The following AMBRA1 variants were observed in gnomAD, a reference collection of about 807,000 sequenced individuals.
AMBRA1 encodes the protein autophagy and beclin 1 regulator 1, also known as activating molecule in BECN1-regulated autophagy protein 1.
Under a neutral mutation model 125.4 loss-of-function variants are expected in AMBRA1, and 47 were observed. That is an observed-to-expected ratio of 0.37 (90% confidence interval 0.30 to 0.48). The LOEUF (loss-of-function observed/expected upper bound fraction) is 0.48. Ranked by LOEUF, AMBRA1 falls within the 20% of genes least tolerant of loss-of-function variation. The pLI is 0.99. For synonymous variants in AMBRA1, 626 were observed against 655.5 expected (o/e 0.95, Z 0.69); for missense variants, 1,331 against 1,693.4 (o/e 0.79, Z 3.76).
chr11:46,530,335 A>G (rs767858087), intron 7 of AMBRA1, among the ~76,000 whole-genome samples: 1 of 152,220 alleles, frequency 6.6e-6, no homozygotes, highest in Admixed American at 6.5e-5. Flanking sequence ...GGGATAATTT[A>G]GATCAGCCTA....
At chr11:46,588,080 C>G (rs1245747810) in intron 1 of AMBRA1, among the ~76,000 whole-genome samples, 1 of 152,168 alleles carries the variant, frequency 6.6e-6, no homozygotes, top group Non-Finnish European at 1.5e-5. Flanking sequence ...TGCATGTAAT[C>G]ACAGAACTTT....
chr11:46,585,576 GAAT>G (rs2044341893), intron 1 of AMBRA1, among the ~76,000 whole-genome samples: 1 of 130,628 alleles, frequency 7.7e-6, no homozygotes, highest in African/African-American at 2.9e-5. Flanking sequence ...TGAGGCAGGA[GAAT>G]CGCTTGAACC....
intron 9 of AMBRA1, among the ~76,000 whole-genome samples, chr11:46,501,694 T>C (rs1388284366): frequency 6.6e-6 from 1 of 152,198 alleles, no homozygotes; most frequent in Non-Finnish European, 1.5e-5. Context: ...ACTCACTGAT[T>C]CACCAAAAAT....
intron 11 of AMBRA1, among the ~76,000 whole-genome samples, chr11:46,455,332 T>C (rs1948803585): frequency 6.6e-6 from 1 of 152,184 alleles, no homozygotes; most frequent in Non-Finnish European, 1.5e-5. Flanking sequence ...AATTCCTCTT[T>C]CCCTCTCTCC....
intron 17 of AMBRA1, among the ~76,000 whole-genome samples, chr11:46,399,203 A>G (rs1446022233): frequency 2.0e-5 from 3 of 151,824 alleles, no homozygotes; most frequent in Non-Finnish European, 4.4e-5. Context: ...GCCTCCGAGT[A>G]GCTGGGATTA....
intron 11 of AMBRA1, among the ~76,000 whole-genome samples, chr11:46,492,398 C>T (rs1950495158): frequency 6.6e-6 from 1 of 152,214 alleles, no homozygotes; most frequent in Non-Finnish European, 1.5e-5. Flanking sequence ...CAGACAGTGC[C>T]ACTGCCTCAG....
chr11:46,414,193 C>T (rs553906277), intron 15 of AMBRA1, among the ~76,000 whole-genome samples: 36 of 152,216 alleles, frequency 2.4e-4, no homozygotes, highest in Non-Finnish European at 4.8e-4. Flanking sequence ...TAACATTCTT[C>T]TTTCATTTAT....
At chr11:46,409,941 G>A (rs1042977918) in intron 16 of AMBRA1, among the ~76,000 whole-genome samples, 4 of 152,208 alleles carry the variant, frequency 2.6e-5, no homozygotes, top group African/African-American at 9.7e-5. Flanking sequence ...TGGTCATCTG[G>A]AAGAGCCTGG....
intron 11 of AMBRA1, among the ~76,000 whole-genome samples, chr11:46,463,245 G>A (rs1318687634): frequency 2.0e-5 from 3 of 151,952 alleles, no homozygotes; most frequent in Non-Finnish European, 4.4e-5. Flanking sequence ...GCCCACCAGG[G>A]GCCAACTCAA....
chr11:46,504,295 T>C (rs1336637737), intron 9 of AMBRA1, among the ~76,000 whole-genome samples: 4 of 152,236 alleles, frequency 2.6e-5, no homozygotes, highest in African/African-American at 9.6e-5. Flanking sequence ...CCACCTCTTT[T>C]GTAGGCCTTA....
chr11:46,593,356 G>C (rs1403777820), intron 1 of AMBRA1, among the ~76,000 whole-genome samples: 1 of 152,114 alleles, frequency 6.6e-6, no homozygotes, highest in African/African-American at 2.4e-5. Context: ...CCCAGAAAAA[G>C]GCGAGAACAT....
chr11:46,416,286 C>T (rs1437899461), intron 15 of AMBRA1, among the ~76,000 whole-genome samples: 1 of 152,106 alleles, frequency 6.6e-6, no homozygotes, highest in African/African-American at 2.4e-5. Flanking sequence ...GATCCTGGGA[C>T]TAGGGACAGG....
intron 11 of AMBRA1, among the ~76,000 whole-genome samples, chr11:46,477,965 T>C (rs1196392959): frequency 6.6e-6 from 1 of 151,748 alleles, no homozygotes; most frequent in Non-Finnish European, 1.5e-5. Context: ...AAGAACTCTC[T>C]ACTTTGAAAA....
At chr11:46,439,154 G>A (rs1947875811) in intron 12 of AMBRA1, among the ~76,000 whole-genome samples, 1 of 152,020 alleles carries the variant, frequency 6.6e-6, no homozygotes, top group Non-Finnish European at 1.5e-5. Context: ...TGTGCCTGTA[G>A]GCCGAGTTAC....
intron 2 of AMBRA1, 99 bp from the exon 3 acceptor site, chr11:46,547,974 C>G: frequency 7.2e-7 from 1 of 1,385,856 alleles, no homozygotes; most frequent in South Asian, 1.2e-5. Context: ...TTAGCATTCA[C>G]AGTGTAGGCT....
intron 17 of AMBRA1, among the ~76,000 whole-genome samples, chr11:46,401,701 C>G (rs865965083): frequency 6.6e-6 from 1 of 152,194 alleles, no homozygotes; most frequent in African/African-American, 2.4e-5. Flanking sequence ...GCCTATGGCT[C>G]CAGGCCTGGC....
rs186689788 is a variant in AMBRA1 at position 46,448,980 on chromosome 11, A to G, written c.2522-5382T>C. The stretch of plus-strand genomic sequence containing the variant: ...CTAAAACAGAAAGAACTGGGCCCAG[A>G]TGGTTTCACTAAATTCTACCAAACA... On this transcript the variant is annotated intron_variant, in intron 11 of 17. Coordinates refer to ENST00000683756, the MANE Select transcript of AMBRA1 (RefSeq NM_001387011.1). Among the ~76,000 whole-genome samples the G allele has an allele frequency of 1.8e-3, 268 of 152,300 alleles. 4 individuals are homozygous for G. Among genetic ancestry groups the G allele is most frequent in the Non-Finnish European group, 1.2e-3 (80 of 68,016 alleles).
At chr11:46,568,869 C>T (rs566670326) in intron 1 of AMBRA1, among the ~76,000 whole-genome samples, 13 of 146,764 alleles carry the variant, frequency 8.9e-5, no homozygotes, top group Admixed American at 1.4e-4. Flanking sequence ...AGCAGTGGCG[C>T]CATCTCAGCT....
At chr11:46,576,266 A>C (rs1479710672) in intron 1 of AMBRA1, among the ~76,000 whole-genome samples, 2 of 152,168 alleles carry the variant, frequency 1.3e-5, no homozygotes. Flanking sequence ...AAAAGTGAAA[A>C]TATACTCATG....
Sources: allele counts gnomAD v4.1 joint callset (sites outside exome capture counted in the v4.1 genomes callset), GRCh38; gene constraint gnomAD v4.1.1; transcripts MANE v1.5; gene names NCBI Gene and HGNC (gene_info 2026-07-23, HGNC 2026-07-21).